SMCHD1: variants seen among roughly 807,000 people sequenced by gnomAD.
SMCHD1 encodes structural maintenance of chromosomes flexible hinge domain containing 1.
Under a neutral mutation model 254.7 loss-of-function variants are expected in SMCHD1, and 78 were observed. That is an observed-to-expected ratio of 0.31 (90% CI 0.26 to 0.37). SMCHD1 has a LOEUF of 0.37. Ranked by LOEUF, SMCHD1 falls within the 10% of genes least tolerant of loss-of-function variation. The pLI, the probability that SMCHD1 is intolerant of heterozygous loss-of-function variation, is 1.00. For synonymous variants in SMCHD1, 766 were observed against 794.9 expected (o/e 0.96, Z 0.61); for missense variants, 1,840 against 2,408.1 (o/e 0.76, Z 4.94).
chr18:2,683,974 C>A (rs536022332), intron 5 of SMCHD1, among the ~76,000 whole-genome samples: 1 of 152,178 alleles, frequency 6.6e-6, no homozygotes, highest in African/African-American at 2.4e-5. Flanking sequence ...ACCACACTTA[C>A]AATTTCATTT....
chr18:2,780,286 T>C (rs1304608448), intron 44 of SMCHD1, among the ~76,000 whole-genome samples: 2 of 151,096 alleles, frequency 1.3e-5, no homozygotes, highest in Non-Finnish European at 2.9e-5. Context: ...AAATTCATCT[T>C]AGTTTAGGAA....
intron 20 of SMCHD1, 61 bp from the exon 21 acceptor site, chr18:2,724,838 C>A: frequency 3.5e-6 from 3 of 853,756 alleles, no homozygotes; most frequent in South Asian, 2.6e-5. Flanking sequence ...AAAGCAAAAA[C>A]ACATTTGCAG....
At chr18:2,801,949 AAAT>A (rs1184832553) in intron 47 of SMCHD1, among the ~76,000 whole-genome samples, 1 of 152,142 alleles carries the variant, frequency 6.6e-6, no homozygotes, top group African/African-American at 2.4e-5. Flanking sequence ...TCAGTTTTCT[AAAT>A]AATTTTCCAC....
rs1178100407 is a variant in SMCHD1, at chr18:2,775,341, G to A, written c.5176-393G>A. ...TTTATGTTTAACTGCATTATTTTAT[G>A]TGTATATTATTTAAGTGTACTTTAT... On this transcript the variant is annotated intron_variant, in intron 41 of 47. Coordinates refer to ENST00000320876, the MANE Select transcript of SMCHD1 (RefSeq NM_015295.3). Among the ~76,000 whole-genome samples, 3 of 151,718 alleles carry A rather than the reference G, an allele frequency of 2.0e-5. No homozygotes were observed. The East Asian group carries it at 5.8e-4, about 29-fold the overall frequency.
At position 2,784,427 on chromosome 18, in the gene SMCHD1, TACTA is replaced by T; in HGVS notation, c.5548-22_5548-19del. On this transcript the variant is annotated intron_variant, in intron 44 of 47. Transcript: ENST00000320876. Reference sequence around the variant, plus strand: ...CAGTTGAAATAAGTTGCTCACTACTTACTATTCACTTATTTACAATAGGTTGTTA... The same window carrying T: ...CAGTTGAAATAAGTTGCTCACTACTTTTCACTTATTTACAATAGGTTGTTA... 6.3e-7 allele frequency: 1 copy of T among 1,578,396 alleles called. No homozygotes were observed. The highest frequency in any genetic ancestry group is 8.6e-7 in the Non-Finnish European group (1 of 1,162,740).
chr18:2,725,054 G>T, intron 21 of SMCHD1, 59 bp downstream of exon 21: 1 of 1,028,620 alleles, frequency 9.7e-7, no homozygotes, highest in South Asian at 2.1e-5. Flanking sequence ...CATATGGTAA[G>T]AATGAAATTG....
At chr18:2,751,200 C>A in intron 32 of SMCHD1, 78 bp from the exon 33 acceptor site, 1 of 733,456 alleles carries the variant, frequency 1.4e-6, no homozygotes, top group South Asian at 1.7e-5. Flanking sequence ...AAGATGTTTG[C>A]TTTAAGGCAT....
chr18:2,732,911 T>C (rs1279475871), intron 25 of SMCHD1, among the ~76,000 whole-genome samples: 2 of 152,168 alleles, frequency 1.3e-5, no homozygotes. Context: ...TATTTGGCCA[T>C]TGGAAATTAT....
At chr18:2,676,503 T>A (rs959649756) in intron 5 of SMCHD1, among the ~76,000 whole-genome samples, 1 of 152,172 alleles carries the variant, frequency 6.6e-6, no homozygotes, top group Non-Finnish European at 1.5e-5. Context: ...ACTGAAATTG[T>A]GACAGTCTCA....
intron 41 of SMCHD1, among the ~76,000 whole-genome samples, chr18:2,774,449 G>A (rs2076033638): frequency 6.6e-6 from 1 of 152,112 alleles, no homozygotes; most frequent in Non-Finnish European, 1.5e-5. Context: ...TCTCACTCCT[G>A]TCGCCCAGGC....
intron 37 of SMCHD1, among the ~76,000 whole-genome samples, chr18:2,768,473 A>G (rs1198325187): frequency 2.0e-5 from 3 of 152,028 alleles, no homozygotes; most frequent in Non-Finnish European, 4.4e-5. Context: ...ATAAACTTAT[A>G]CTTCTCATTA....
At chr18:2,656,510 C>G (rs1260366798) in intron 1 of SMCHD1, among the ~76,000 whole-genome samples, 1 of 152,232 alleles carries the variant, frequency 6.6e-6, no homozygotes, top group African/African-American at 2.4e-5. Context: ...GCTCCTTTTA[C>G]GGGAGGCCTT....
intron 22 of SMCHD1, 183 bp from the exon 23 acceptor site, chr18:2,728,274 T>G: frequency 3.5e-6 from 2 of 570,208 alleles, no homozygotes; most frequent in Non-Finnish European, 6.0e-6. Flanking sequence ...ATAAGTCTTG[T>G]CATGTATTGA....
intron 7 of SMCHD1, among the ~76,000 whole-genome samples, chr18:2,693,661 C>G (rs1355302380): frequency 6.6e-6 from 1 of 151,454 alleles, no homozygotes; most frequent in African/African-American, 2.4e-5. Flanking sequence ...TTTTTTGAGA[C>G]ATGCTTGTTG....
intron 17 of SMCHD1, among the ~76,000 whole-genome samples, chr18:2,712,711 T>C (rs1284344710): frequency 6.6e-6 from 1 of 152,234 alleles, no homozygotes; most frequent in Non-Finnish European, 1.5e-5. Context: ...AACCACGTAG[T>C]AGCTGCCTCA....
At chr18:2,672,928 G>A (rs993514569) in intron 3 of SMCHD1, 6 of 290,568 alleles carry the variant, frequency 2.1e-5, no homozygotes, top group Non-Finnish European at 2.6e-5. Context: ...CTTTGGACTT[G>A]TGCTTGATGT....
At chr18:2,771,104 T>C (rs1322613820) in intron 39 of SMCHD1, among the ~76,000 whole-genome samples, 3 of 152,226 alleles carry the variant, frequency 2.0e-5, no homozygotes, top group Non-Finnish European at 4.4e-5. Context: ...TACTCACTTT[T>C]GTGTATGCCT....
chr18:2,660,175 T>G (rs978267770), intron 1 of SMCHD1, among the ~76,000 whole-genome samples: 1 of 151,838 alleles, frequency 6.6e-6, no homozygotes, highest in African/African-American at 2.4e-5. Flanking sequence ...AATACAAATA[T>G]TAGCTGGATC....
At chr18:2,742,791 C>G (rs966950095) in intron 28 of SMCHD1, among the ~76,000 whole-genome samples, 31 of 152,098 alleles carry the variant, frequency 2.0e-4, no homozygotes, top group Non-Finnish European at 2.8e-4. Context: ...ATCCTCCCAC[C>G]AGAGCCTCCC....
Sources: allele counts gnomAD v4.1 joint callset (sites outside exome capture counted in the v4.1 genomes callset), GRCh38; gene constraint gnomAD v4.1.1; transcripts MANE v1.5; gene names NCBI Gene and HGNC (gene_info 2026-07-23, HGNC 2026-07-21).